The following HDAC11 variants were observed in gnomAD, a reference collection of about 807,000 sequenced individuals.
The protein encoded by HDAC11 is histone deacetylase 11.
A neutral mutation model predicts 41.1 loss-of-function variants in HDAC11; 23 were observed. The observed-to-expected ratio is 0.56, with a 90% CI of 0.40 to 0.79. The LOEUF (loss-of-function observed/expected upper bound fraction) is 0.79, where lower values mean the gene tolerates loss of function less well. Ranked by LOEUF, HDAC11 falls within the 30% of genes least tolerant of loss-of-function variation. The probability of loss-of-function intolerance (pLI) is 0.00; values close to 1 mark genes in which losing one functional copy is unlikely to be tolerated. For synonymous variants in HDAC11, 187 were observed against 186.6 expected (o/e 1.00, Z -0.02); for missense variants, 402 against 477.3 (o/e 0.84, Z 1.47).
intron 3 of HDAC11, among the ~76,000 whole-genome samples, chr3:13,486,622 A>G (rs1361193750): frequency 8.0e-6 from 1 of 125,082 alleles, no homozygotes; most frequent in East Asian, 2.4e-4. Flanking sequence ...TTTGTTGCCC[A>G]GGCTCGAGTA....
At chr3:13,499,985 C>T (rs1045324610) in intron 5 of HDAC11, among the ~76,000 whole-genome samples, 2 of 152,156 alleles carry the variant, frequency 1.3e-5, no homozygotes, top group Non-Finnish European at 2.9e-5. Context: ...TGCTAATGCC[C>T]CTCCTCGGGC....
chr3:13,481,889 C>T (rs537705733), intron 2 of HDAC11, among the ~76,000 whole-genome samples: 7 of 152,328 alleles, frequency 4.6e-5, no homozygotes, highest in East Asian at 3.9e-4. Flanking sequence ...CTGTAACCTC[C>T]GCCTTTCAGG....
At position 13,506,107 on chromosome 3, in the gene HDAC11, C is replaced by T. The variant is rs983281657; in HGVS notation, c.*1424C>T. 1 of 152,212 alleles carries T rather than the reference C, an allele frequency of 6.6e-6. No homozygotes were observed. The highest frequency in any genetic ancestry group is 6.5e-5 in the Admixed American group (1 of 15,284). 9.4% of individuals were successfully genotyped at this position (152,212 alleles called of 1,614,324 possible). A position where few individuals can be genotyped will look rare whatever the true frequency, so the allele number is the denominator to read the frequency against. ...AATGCTGGCCTCCTGGACCAGACCCCGAGGCTCTAACAATGCACTCTGAGA... is the reference window on the plus strand; with the variant it reads ...AATGCTGGCCTCCTGGACCAGACCCTGAGGCTCTAACAATGCACTCTGAGA... On this transcript the variant is annotated 3_prime_UTR_variant, in exon 10 of 10. Coordinates refer to ENST00000295757, the MANE Select transcript of HDAC11 (RefSeq NM_024827.4).
chr3:13,503,667 C>T (rs148375184), intron 8 of HDAC11, among the ~76,000 whole-genome samples: 1 of 152,372 alleles, frequency 6.6e-6, no homozygotes, highest in Non-Finnish European at 1.5e-5. Flanking sequence ...AACAGGGCTG[C>T]CACCTTTGCA....
chr3:13,505,108 C>T lies in HDAC11; in HGVS notation c.*425C>T, dbSNP rs1702559284. ...GCCTGCATCCTAACTGGGCCTCCCT[C>T]CCTCCCCTTGGTCATGGGATTTGCT... On this transcript the variant is annotated 3_prime_UTR_variant, in exon 10 of 10. Transcript: ENST00000295757. The T allele has an allele frequency of 4.2e-6, 1 of 235,306 alleles. No homozygotes were observed. 14.6% of individuals were successfully genotyped at this position (235,306 alleles called of 1,614,324 possible). A position where few individuals can be genotyped will look rare whatever the true frequency, so the allele number is the denominator to read the frequency against.
chr3:13,483,640 G>A, intron 3 of HDAC11, 76 bp downstream of exon 3: 1 of 1,200,770 alleles, frequency 8.3e-7, no homozygotes, highest in Non-Finnish European at 1.2e-6. Flanking sequence ...GAGGCAGGAG[G>A]TGACTCAGCC....
At position 13,480,609 on chromosome 3, in the gene HDAC11, G is replaced by A. The variant is rs1701263104; in HGVS notation, c.2+260G>A. 6.7e-6 allele frequency: 2 copies of A among 300,356 alleles called. No individual in the cohort carries two copies. The highest frequency in any genetic ancestry group is 1.3e-5 in the Non-Finnish European group (2 of 152,088). The allele number at this position is 300,356 out of a possible 1,614,324, so 18.6% of individuals were successfully genotyped here. On this transcript the variant is annotated intron_variant, in intron 1 of 9. Coordinates refer to ENST00000295757, the MANE Select transcript of HDAC11 (RefSeq NM_024827.4). This position sits in a 1 kb window ranked among gnomAD's most constrained non-coding sequence, Gnocchi z 4.6. ...GACCCGGAGCGGTCGGGCGATGTGC[G>A]CGGGTCTGACGTCTGCGCTGCCCAG...
rs1201908420 is a variant in HDAC11 at position 13,504,091 on chromosome 3, C to T, written c.650-3C>T. Reference sequence around the variant, plus strand: ...ATTGAGGCCATCCATGTCTCTCTCCCAGAGGCCATCAGGCGGAAGGTGGAG... The same window carrying T: ...ATTGAGGCCATCCATGTCTCTCTCCTAGAGGCCATCAGGCGGAAGGTGGAG... On this transcript the variant is annotated splice_polypyrimidine_tract_variant and splice_region_variant and intron_variant, in intron 8 of 9. Coordinates refer to ENST00000295757, the MANE Select transcript of HDAC11 (RefSeq NM_024827.4). 14 of 1,613,614 alleles carry T rather than the reference C, an allele frequency of 8.7e-6. No individual in the cohort carries two copies. Among genetic ancestry groups the T allele is most frequent in the African/African-American group, 2.7e-5 (2 of 74,904 alleles).
chr3:13,501,694 G>A (rs1702372656), intron 6 of HDAC11, 177 bp from the exon 7 acceptor site: 1 of 720,884 alleles, frequency 1.4e-6, no homozygotes. Flanking sequence ...CACACATGGA[G>A]CCCCACAGCT....
In HDAC11 at chr3:13,481,331, G is replaced by T; in HGVS notation, c.88G>T (p.Gly30Cys). 1 of 1,613,924 alleles carries T rather than the reference G, an allele frequency of 6.2e-7. No homozygotes were observed. ...YSPRYNITFM[G>C]LEKLHPFDAG... ...GCCGCGCTACAACATCACCTTCATGGGCCTGGAGAAGCTGCATCCCTTTGA... is the reference window on the plus strand; with the variant it reads ...GCCGCGCTACAACATCACCTTCATGTGCCTGGAGAAGCTGCATCCCTTTGA... The change falls in exon 2 of 10, where the codon GGC (glycine) becomes TGC (cysteine). Residue 30 changes from glycine (G) to cysteine (C), a missense_variant. Coordinates refer to ENST00000295757, the MANE Select transcript of HDAC11 (RefSeq NM_024827.4).
At chr3:13,497,218 G>T (rs1266050247) in intron 4 of HDAC11, among the ~76,000 whole-genome samples, 1 of 149,468 alleles carries the variant, frequency 6.7e-6, no homozygotes, top group Admixed American at 6.7e-5. Flanking sequence ...TCGTTCTGTC[G>T]CCCAGGCTGG....
rs1398865240 is a variant in HDAC11, at chr3:13,502,702, C to T, written c.553-182C>T. ...TGCTCAAGCCCATGCTAGAAGGTGTCGGGGCCTGGTTTTAAGGTTGAATCC... is the reference window on the plus strand; with the variant it reads ...TGCTCAAGCCCATGCTAGAAGGTGTTGGGGCCTGGTTTTAAGGTTGAATCC... On this transcript the variant is annotated intron_variant, in intron 7 of 9. Transcript: ENST00000295757. This position sits in a 1 kb window ranked among gnomAD's most constrained non-coding sequence, Gnocchi z 4.1. 47 of 587,400 alleles carry T rather than the reference C, an allele frequency of 8.0e-5. No homozygotes were observed. Among genetic ancestry groups the T allele is most frequent in the Non-Finnish European group, 1.0e-4 (34 of 325,368 alleles). The allele number at this position is 587,400 out of a possible 1,614,324, so 36.4% of individuals were successfully genotyped here. A position where few individuals can be genotyped will look rare whatever the true frequency, so the allele number is the denominator to read the frequency against.
In HDAC11 at chr3:13,500,777, G is replaced by T; in HGVS notation, c.477G>T (p.Thr159=). The part of the protein sequence containing the change: ...GGGFCAYADI[T]LAIKFLFERV... ...GCTTCTGTGCCTATGCGGACATCACGCTCGCCATCAAGGTGTGTCTATGAG... is the reference window on the plus strand; with the variant it reads ...GCTTCTGTGCCTATGCGGACATCACTCTCGCCATCAAGGTGTGTCTATGAG... Residue 159 remains threonine, a synonymous_variant, in exon 6 of 10, where the codon ACG becomes ACT. Transcript: ENST00000295757. 5 of 1,574,622 alleles carry T rather than the reference G, an allele frequency of 3.2e-6. No individual in the cohort carries two copies. In the South Asian group the frequency reaches 5.8e-5, roughly 18 times the overall value.
At chr3:13,488,575 CTGTGT>C (rs1046411146) in intron 3 of HDAC11, among the ~76,000 whole-genome samples, 1 of 152,200 alleles carries the variant, frequency 6.6e-6, no homozygotes, top group African/African-American at 2.4e-5. Flanking sequence ...CAACATTCAT[CTGTGT>C]TGTGTTGTAG....
chr3:13,488,252 T>A (rs1436134563), intron 3 of HDAC11, among the ~76,000 whole-genome samples: 1 of 152,070 alleles, frequency 6.6e-6, no homozygotes, highest in Non-Finnish European at 1.5e-5. Context: ...AAAAAAAAAT[T>A]TTTTTTAATT....
intron 3 of HDAC11, among the ~76,000 whole-genome samples, chr3:13,491,121 A>C (rs1370109010): frequency 1.4e-5 from 2 of 146,426 alleles, no homozygotes; most frequent in African/African-American, 2.6e-5. Flanking sequence ...TGTATTCTTT[A>C]GGATCCTCTA....
At chr3:13,481,687 A>C (rs1425228407) in intron 2 of HDAC11, among the ~76,000 whole-genome samples, 1 of 152,162 alleles carries the variant, frequency 6.6e-6, no homozygotes, top group African/African-American at 2.4e-5. Context: ...GGGAAGGTGA[A>C]GCTTGGAGGA....
In HDAC11 at chr3:13,480,570, C is replaced by T; in HGVS notation, c.2+221C>T. Reference sequence around the variant, plus strand: ...TGGCCCGAGGGACGCGCGCCGGCCGCGGGCCTGGGCCCGGACCCGGAGCGG... The same window carrying T: ...TGGCCCGAGGGACGCGCGCCGGCCGTGGGCCTGGGCCCGGACCCGGAGCGG... On this transcript the variant is annotated intron_variant, in intron 1 of 9. Coordinates refer to ENST00000295757, the MANE Select transcript of HDAC11 (RefSeq NM_024827.4). This position sits in a 1 kb window ranked among gnomAD's most constrained non-coding sequence, Gnocchi z 4.6. The T allele has an allele frequency of 3.3e-6, 1 of 304,662 alleles. No individual in the cohort carries two copies. Among genetic ancestry groups the T allele is most frequent in the Non-Finnish European group, 6.3e-6 (1 of 158,094 alleles). 18.9% of individuals were successfully genotyped at this position (304,662 alleles called of 1,614,324 possible). A position where few individuals can be genotyped will look rare whatever the true frequency, so the allele number is the denominator to read the frequency against.
At position 13,480,526 on chromosome 3, in the gene HDAC11, G is replaced by A; in HGVS notation, c.2+177G>A. The A allele has an allele frequency of 3.0e-6, 1 of 329,630 alleles. No individual in the cohort carries two copies. Among genetic ancestry groups the A allele is most frequent in the Non-Finnish European group, 5.5e-6 (1 of 182,142 alleles). The allele number at this position is 329,630 out of a possible 1,614,324, so 20.4% of individuals were successfully genotyped here. On this transcript the variant is annotated intron_variant, in intron 1 of 9. Transcript: ENST00000295757. This position sits in a 1 kb window ranked among gnomAD's most constrained non-coding sequence, Gnocchi z 4.6. Reference sequence around the variant, plus strand: ...CAGGCCCTCCCGGCGCGCCAGGCCAGCCCCGCGCCCCTGCTCGGTGGCCCG... The same window carrying A: ...CAGGCCCTCCCGGCGCGCCAGGCCAACCCCGCGCCCCTGCTCGGTGGCCCG...
Sources: allele counts gnomAD v4.1 joint callset (sites outside exome capture counted in the v4.1 genomes callset), GRCh38; gene constraint gnomAD v4.1.1; non-coding constraint Gnocchi (gnomAD v3.1); transcripts MANE v1.5; gene names NCBI Gene and HGNC (gene_info 2026-07-23, HGNC 2026-07-21).